The following WDR62 variants were observed in gnomAD, a reference collection of about 807,000 sequenced individuals.
WDR62 encodes WD repeat-containing protein 62.
WDR62 carries 112 observed loss-of-function variants against 160.6 expected under a neutral mutation model. The ratio of observed to expected loss-of-function variants is 0.70; its 90% CI spans 0.60 to 0.82. The LOEUF (loss-of-function observed/expected upper bound fraction) is 0.82, where lower values mean the gene tolerates loss of function less well. Ranked by LOEUF, WDR62 falls within the 40% of genes least tolerant of loss-of-function variation. The probability of loss-of-function intolerance (pLI) is 0.00; values close to 1 mark genes in which losing one functional copy is unlikely to be tolerated. For synonymous variants in WDR62, 792 were observed against 815.1 expected (o/e 0.97, Z 0.48); for missense variants, 1,819 against 1,983.8 (o/e 0.92, Z 1.58).
downstream of WDR62, among the ~76,000 whole-genome samples, chr19:36,107,109 C>T (rs1012125948): frequency 1.3e-5 from 2 of 152,188 alleles, no homozygotes; most frequent in African/African-American, 4.8e-5. Flanking sequence ...GGAGTAAACA[C>T]CTGGCTTTCA....
chr19:36,059,972 G>A lies in WDR62; in HGVS notation c.274G>A (p.Val92Met). ...TGHVAYLAGC[V>M]VVILDPKENK... ...CATTTTCCTCTTTCTTCCCAGCTGTGTGGTGGTGATTTTGGACCCCAAGGA... is the reference window on the plus strand; with the variant it reads ...CATTTTCCTCTTTCTTCCCAGCTGTATGGTGGTGATTTTGGACCCCAAGGA... Residue 92 changes from valine (V) to methionine (M), a missense_variant, in exon 3 of 32, where the codon GTG (valine) becomes ATG (methionine). Transcript: ENST00000401500. The A allele has an allele frequency of 6.2e-7, 1 of 1,614,208 alleles. No homozygotes were observed. Among genetic ancestry groups the A allele is most frequent in the Non-Finnish European group, 8.5e-7 (1 of 1,180,050 alleles).
In WDR62 at chr19:36,068,020, C is replaced by A. The variant is rs762930067; in HGVS notation, c.882+10C>A. 2 of 1,611,894 alleles carry A rather than the reference C, an allele frequency of 1.2e-6. No individual in the cohort carries two copies. The highest frequency in any genetic ancestry group is 1.7e-5 in the Admixed American group (1 of 59,686). On this transcript the variant is annotated intron_variant, in intron 7 of 31. Transcript: ENST00000401500. ...GTGGATCAACCTGAAGGTACCACCT[C>A]CCTCTCTGCCATCAGCTGGACAGAC...
intron 19 of WDR62, among the ~76,000 whole-genome samples, chr19:36,093,546 A>C (rs1972766640): frequency 6.6e-6 from 1 of 152,052 alleles, no homozygotes; most frequent in Admixed American, 6.6e-5. Flanking sequence ...TCCCAGGGCA[A>C]TGTGGAGACC....
downstream of WDR62, among the ~76,000 whole-genome samples, chr19:36,108,216 C>G (rs913700984): frequency 6.6e-6 from 1 of 152,150 alleles, no homozygotes; most frequent in Non-Finnish European, 1.5e-5. Flanking sequence ...CCAAATCCTA[C>G]TGGAAGCCAG....
intron 19 of WDR62, among the ~76,000 whole-genome samples, chr19:36,093,606 A>T (rs1972770582): frequency 6.6e-6 from 1 of 151,896 alleles, no homozygotes. Flanking sequence ...GGTGTTAGAG[A>T]TATCTTGCTT....
intron 7 of WDR62, 149 bp from the exon 8 acceptor site, chr19:36,071,407 C>T (rs987813006): frequency 4.3e-6 from 4 of 921,280 alleles, no homozygotes; most frequent in East Asian, 4.9e-5. Context: ...CCTGATTTCA[C>T]AAATCTTAAA....
intron 12 of WDR62, among the ~76,000 whole-genome samples, chr19:36,085,223 C>T (rs2145734219): frequency 6.6e-6 from 1 of 152,126 alleles, no homozygotes; most frequent in East Asian, 1.9e-4. Flanking sequence ...TCAAGTGATT[C>T]TCGTGCCTCA....
intron 9 of WDR62, among the ~76,000 whole-genome samples, chr19:36,078,350 G>T (rs951582170): frequency 6.6e-6 from 1 of 151,324 alleles, no homozygotes; most frequent in Non-Finnish European, 1.5e-5. Context: ...GTTTCGCCGT[G>T]TTGGCCAGGT....
chr19:36,055,384 C>T (rs1337695966), intron 1 of WDR62, among the ~76,000 whole-genome samples: 1 of 152,186 alleles, frequency 6.6e-6, no homozygotes, highest in Non-Finnish European at 1.5e-5. Flanking sequence ...TCGCTGGTTC[C>T]CACCCGTGGA....
At chr19:36,056,333 C>CTT (rs1970369988) in intron 1 of WDR62, among the ~76,000 whole-genome samples, 1 of 152,204 alleles carries the variant, frequency 6.6e-6, no homozygotes, top group Admixed American at 6.5e-5. Flanking sequence ...CCGCCCACTC[C>CTT]TGGCTACAGG....
chr19:36,104,832 T>C lies in WDR62; in HGVS notation c.4376T>C (p.Phe1459Ser). The C allele has an allele frequency of 6.2e-7, 1 of 1,613,528 alleles. No homozygotes were observed. The highest frequency in any genetic ancestry group is 8.5e-7 in the Non-Finnish European group (1 of 1,180,002). Residue 1459 changes from phenylalanine to serine, a missense_variant, in exon 32 of 32, where the codon TTC (phenylalanine) becomes TCC (serine). Phe to Ser is a radical substitution (Grantham distance 155, BLOSUM62 -2). Around this residue, in one of 3 missense-constraint regions of WDR62, gnomAD observed 770 missense variants for 734.2 expected, o/e 1.05. Coordinates refer to ENST00000401500, the MANE Select transcript of WDR62 (RefSeq NM_001083961.2). ...GCACGGACTGAGCTGGTCTCCACCTTCCTGTGGATCCACAGCCAGCTGGAG... is the reference window on the plus strand; with the variant it reads ...GCACGGACTGAGCTGGTCTCCACCTCCCTGTGGATCCACAGCCAGCTGGAG... ...QQARTELVST[F>S]LWIHSQLEAE...
rs772768990 is a variant in WDR62 at position 36,103,972 on chromosome 19, C to T, written c.4144C>T (p.Pro1382Ser). The T allele has an allele frequency of 3.1e-5, 50 of 1,597,868 alleles. No homozygotes were observed. The highest frequency in any genetic ancestry group is 1.7e-5 in the Admixed American group (1 of 59,992). ...TGGCGGCACTGCCTCCCTCCTGGAGCCCACCTCCGGTGAGTACAGCCCTGG... is the reference window on the plus strand; with the variant it reads ...TGGCGGCACTGCCTCCCTCCTGGAGTCCACCTCCGGTGAGTACAGCCCTGG... The part of the protein sequence containing the change: ...IPGGTASLLE[P>S]TSGALGLLQG... The change falls in exon 30 of 32, where the codon CCC becomes TCC. Residue 1382 changes from proline (P) to serine (S), a missense_variant. By Grantham distance (74) the Pro-to-Ser change is moderately conservative (BLOSUM62 -1). Coordinates refer to ENST00000401500, the MANE Select transcript of WDR62 (RefSeq NM_001083961.2).
At chr19:36,106,473 G>A (rs565822452), downstream of WDR62, among the ~76,000 whole-genome samples, 3 of 152,230 alleles carry the variant, frequency 2.0e-5, no homozygotes, top group South Asian at 6.2e-4. Flanking sequence ...CTTCTATACA[G>A]TCAAACAGAT....
chr19:36,096,911 G>C, intron 20 of WDR62, 116 bp from the exon 21 acceptor site: 1 of 911,278 alleles, frequency 1.1e-6, no homozygotes, highest in Non-Finnish European at 1.8e-6. Context: ...CCCCGGTGCT[G>C]TTGAGCCTTC....
chr19:36,109,042 T>C (rs1385612030), downstream of WDR62, among the ~76,000 whole-genome samples: 4 of 152,128 alleles, frequency 2.6e-5, no homozygotes, highest in Non-Finnish European at 5.9e-5. Flanking sequence ...TGACTTGCTC[T>C]GGGTCCTGCA....
chr19:36,065,122 G>A (rs76880223), intron 3 of WDR62, among the ~76,000 whole-genome samples: 3,068 of 152,284 alleles, frequency 0.02, 96 homozygotes, highest in African/African-American at 0.071. Context: ...GCATAAAACT[G>A]GGGTTATGTC....
At chr19:36,086,593 TC>T (rs1972244361) in intron 12 of WDR62, 93 bp from the exon 13 acceptor site, 23 of 1,482,604 alleles carry the variant, frequency 1.6e-5, no homozygotes, top group Non-Finnish European at 2.1e-5. Context: ...AGACCCCTTC[TC>T]CGAGGACTGG....
the WDR62 span, among the ~76,000 whole-genome samples, chr19:36,110,537 T>C: frequency 6.6e-6 from 1 of 152,194 alleles, no homozygotes; most frequent in Non-Finnish European, 1.5e-5. Flanking sequence ...GGAAGAGTGT[T>C]GTCCCAGGCA....
intron 9 of WDR62, among the ~76,000 whole-genome samples, chr19:36,078,993 G>A (rs1464000204): frequency 6.8e-6 from 1 of 147,742 alleles, no homozygotes; most frequent in Non-Finnish European, 1.5e-5. Flanking sequence ...CAGTTTTTCT[G>A]AAATTTTAGA....
Sources: gnomAD v4.1 joint callset for allele counts (sites outside exome capture counted in the v4.1 genomes callset) on GRCh38, gnomAD v4.1.1 for gene constraint, gnomAD v4.1.1 regional missense constraint, MANE v1.5 for transcripts, NCBI Gene and HGNC (gene_info 2026-07-23, HGNC 2026-07-21) for gene names.